The following TNK2 variants were observed in gnomAD, a reference collection of about 807,000 sequenced individuals.
TNK2 encodes the protein tyrosine kinase non receptor 2, also known as activated CDC42 kinase 1.
TNK2 carries 83 observed loss-of-function variants against 101.8 expected under a neutral mutation model. That is an observed-to-expected ratio of 0.82 (90% CI 0.68 to 0.98). The LOEUF (loss-of-function observed/expected upper bound fraction) is 0.98, where lower values mean the gene tolerates loss of function less well. Among genes scored for constraint, TNK2 ranks in the 50% least tolerant of loss-of-function variants. The probability of loss-of-function intolerance (pLI) is 0.00; values close to 1 mark genes in which losing one functional copy is unlikely to be tolerated. For synonymous variants in TNK2, 804 were observed against 633.0 expected, an observed-to-expected ratio of 1.27 and a Z score of -4.06; for missense variants, 1,665 against 1,483.2, an observed-to-expected ratio of 1.12 and a Z score of -2.01.
Position 195,867,965 on chromosome 3 carries a change from T to TCCC in TNK2, c.2332_2333insGGG (p.Gly777dup). 1 of 1,544,498 alleles carries TCCC rather than the reference T, an allele frequency of 6.5e-7. No individual in the cohort carries two copies. Among genetic ancestry groups the TCCC allele is most frequent in the East Asian group, 2.3e-5 (1 of 43,464 alleles). ...TCCAGGCCACTGGCTGGTCTCCTCCTCGCCCGGGGGGGCTGGAGACAGCTG... is the reference window on the plus strand; with the variant it reads ...TCCAGGCCACTGGCTGGTCTCCTCCTCCCCGCCCGGGGGGGCTGGAGACAGCTG... On this transcript the variant is annotated inframe_insertion, in exon 13 of 16. Transcript: ENST00000672887.
chr3:195,868,612 C>T lies in TNK2; in HGVS notation c.1686G>A (p.Trp562Ter). The change falls in exon 13 of 16, where the codon TGG becomes TGA. Residue 562 changes from tryptophan (W) to a stop codon, truncating the protein, a stop_gained. Coordinates refer to ENST00000672887, the MANE Select transcript of TNK2 (RefSeq NM_001382273.1). LOFTEE classifies it high-confidence loss of function. ...GCACCCGCGCCGAGGGCTTCGCCAG[C>T]CACAGCCCTCGGGGCAGGCCTGGCT... ...LRKPGLPRGLWLAKPSARVPG... is the reference protein window; with the variant it reads ...LRKPGLPRGL The T allele has an allele frequency of 6.3e-7, 1 of 1,588,406 alleles. No homozygotes were observed. The highest frequency in any genetic ancestry group is 8.5e-7 in the Non-Finnish European group (1 of 1,175,550).
In TNK2 at chr3:195,882,357, G is replaced by A. The variant is rs1753525058; in HGVS notation, c.610-29C>T. ...AGGCCACGGAGGAGGCAGGAGGAAT[G>A]AGCTGGAGGACCCTGCCCCTTCTCA... On this transcript the variant is annotated intron_variant, in intron 5 of 15. Coordinates refer to ENST00000672887, the MANE Select transcript of TNK2 (RefSeq NM_001382273.1). The surrounding 1 kb of genome is among the most constrained non-coding windows in gnomAD (Gnocchi z 4.2). 1.2e-6 allele frequency: 2 copies of A among 1,606,860 alleles called. No individual in the cohort carries two copies. The highest frequency in any genetic ancestry group is 1.7e-6 in the Non-Finnish European group (2 of 1,174,844).
chr3:195,870,244 C>CCACA, intron 10 of TNK2, 39 bp from the exon 11 acceptor site: 1 of 1,599,848 alleles, frequency 6.3e-7, no homozygotes, highest in East Asian at 2.3e-5. Context: ...GCAGGGGAAG[C>CCACA]GTGTGGAGGG....
chr3:195,867,012 T>A lies in TNK2; in HGVS notation c.3038A>T (p.Glu1013Val). Residue 1013 changes from glutamate to valine, a missense_variant, in exon 15 of 16, where the codon GAG becomes GTG. By Grantham distance (121) the Glu-to-Val change is moderately radical (BLOSUM62 -2). This residue lies in a region of TNK2 where 1,136 missense variants were observed against 894.9 expected (regional missense o/e 1.27). Coordinates refer to ENST00000672887, the MANE Select transcript of TNK2 (RefSeq NM_001382273.1). The stretch of plus-strand genomic sequence containing the variant: ...CCGCAGACCCAGCCCGAAGAGCTGC[T>A]CCACCTGGGGGTAAGGGTGGCGCCA... ...VQRAAQYLKV[E>V]QLFGLGLRPR... The A allele has an allele frequency of 1.2e-6, 2 of 1,613,084 alleles. No homozygotes were observed. The highest frequency in any genetic ancestry group is 2.2e-5 in the South Asian group (2 of 91,084).
intron 1 of TNK2, chr3:195,891,954 G>T (rs1287970816): frequency 4.1e-5 from 41 of 992,348 alleles, no homozygotes; most frequent in Non-Finnish European, 4.6e-5. Flanking sequence ...CCCAGCAACA[G>T]CGCAGCTCTG....
Position 195,879,149 on chromosome 3 carries a change from C to G in TNK2, c.914G>C (p.Arg305Pro). 3 of 1,613,700 alleles carry G rather than the reference C, an allele frequency of 1.9e-6. No individual in the cohort carries two copies. The highest frequency in any genetic ancestry group is 2.5e-6 in the Non-Finnish European group (3 of 1,179,986). ...GGTGTCGCTGGCATGGGAGAAGGTG[C>G]GTGTCTTCAGGCTCTCGGGGGCACA... ...AWCAPESLKT[R>P]TFSHASDTWM... The change falls in exon 7 of 16, where the codon CGC becomes CCC. Residue 305 changes from arginine (R) to proline (P), a missense_variant. Around this residue, in one of 3 missense-constraint regions of TNK2, gnomAD observed 490 missense variants for 522.5 expected, o/e 0.94. Coordinates refer to ENST00000672887, the MANE Select transcript of TNK2 (RefSeq NM_001382273.1).
At chr3:195,873,370 C>A (rs946538440) in intron 9 of TNK2, among the ~76,000 whole-genome samples, 1 of 152,222 alleles carries the variant, frequency 6.6e-6, no homozygotes, top group Non-Finnish European at 1.5e-5. Context: ...GAGGCTCCCG[C>A]GTCTGCTGCT....
In TNK2 at chr3:195,869,528, A is replaced by G; in HGVS notation, c.1557T>C (p.Pro519=). 1 of 1,551,008 alleles carries G rather than the reference A, an allele frequency of 6.4e-7. No homozygotes were observed. The highest frequency in any genetic ancestry group is 2.4e-5 in the East Asian group (1 of 40,910). The change falls in exon 12 of 16, where the codon CCT becomes CCC. Residue 519 remains proline, a synonymous_variant. Coordinates refer to ENST00000672887, the MANE Select transcript of TNK2 (RefSeq NM_001382273.1). ...HLGGVKREPP[P]RPPQPAFFTQ... ...TGAAGAAGGCAGGCTGAGGTGGGCG[A>G]GGTGGAGGCTCCCCTGCAAGAAAGG...
At chr3:195,891,899 C>T (rs983568183) in intron 1 of TNK2, 1 of 985,766 alleles carries the variant, frequency 1.0e-6, no homozygotes, top group African/African-American at 1.7e-5. Context: ...CCCTGAAACA[C>T]CAGCTAATGC....
At chr3:195,904,227 C>T (rs1761510265) in intron 1 of TNK2, among the ~76,000 whole-genome samples, 1 of 148,902 alleles carries the variant, frequency 6.7e-6, no homozygotes, top group African/African-American at 2.5e-5. Flanking sequence ...CACTGCTCTC[C>T]GGCCTGGGAG....
rs953497726 is a variant in TNK2 at position 195,902,089 on chromosome 3, G to A, written c.-19+6396C>T. Among the ~76,000 whole-genome samples, 9 of 152,154 alleles carry A rather than the reference G, an allele frequency of 5.9e-5. No homozygotes were observed. In the East Asian group the frequency reaches 1.3e-3, roughly 23 times the overall value. Reference sequence around the variant, plus strand: ...CTGAATGCCATAGGCCCCTAGGGAGGGGGAGAATGGTAGAGGAAAAACCAC... The same window carrying A: ...CTGAATGCCATAGGCCCCTAGGGAGAGGGAGAATGGTAGAGGAAAAACCAC... On this transcript the variant is annotated intron_variant, in intron 1 of 15. Coordinates refer to ENST00000672887, the MANE Select transcript of TNK2 (RefSeq NM_001382273.1).
intron 1 of TNK2, among the ~76,000 whole-genome samples, chr3:195,898,143 C>G (rs1040323214): frequency 5.3e-5 from 8 of 152,026 alleles, no homozygotes; most frequent in African/African-American, 1.9e-4. Context: ...CAACACTAGC[C>G]ACCCGAGGTA....
At position 195,888,059 on chromosome 3, in the gene TNK2, T is replaced by G. The variant is rs752710012; in HGVS notation, c.163+367A>C. 5.3e-5 allele frequency among the ~76,000 whole-genome samples: 8 copies of G among 151,988 alleles called. No homozygotes were observed. The highest frequency in any genetic ancestry group is 1.9e-4 in the African/African-American group (8 of 41,366). ...ACGAATCAGCAAACCATCTGAGAGTTAGCGTTCTCCCTACAGATCTCTGCA... is the reference window on the plus strand; with the variant it reads ...ACGAATCAGCAAACCATCTGAGAGTGAGCGTTCTCCCTACAGATCTCTGCA... On this transcript the variant is annotated intron_variant, in intron 2 of 15. Coordinates refer to ENST00000672887, the MANE Select transcript of TNK2 (RefSeq NM_001382273.1). This position sits in a 1 kb window ranked among gnomAD's most constrained non-coding sequence, Gnocchi z 5.3.
chr3:195,884,996 G>C lies in TNK2; in HGVS notation c.272C>G (p.Pro91Arg). 6.2e-7 allele frequency: 1 copy of C among 1,608,664 alleles called. No individual in the cohort carries two copies. The highest frequency in any genetic ancestry group is 8.5e-7 in the Non-Finnish European group (1 of 1,176,682). Residue 91 changes from proline to arginine, a missense_variant, in exon 4 of 16, where the codon CCT (proline) becomes CGT (arginine). By Grantham distance (103) the Pro-to-Arg change is moderately radical. This residue lies in a region of TNK2 where 490 missense variants were observed against 522.5 expected (regional missense o/e 0.94). Coordinates refer to ENST00000672887, the MANE Select transcript of TNK2 (RefSeq NM_001382273.1). ...SGKRLEAEFPPHHSQSTFRKT... is the reference protein window; with the variant it reads ...SGKRLEAEFPRHHSQSTFRKT... ...CCGGAAGGTGCTCTGAGAGTGATGA[G>C]GTGGGAACTCAGCCTCCAGTCGCTT...
At chr3:195,884,560 T>C in intron 4 of TNK2, 1 of 446,290 alleles carries the variant, frequency 2.2e-6, no homozygotes, top group Non-Finnish European at 4.0e-6. Context: ...GGAGGATTGC[T>C]TGAACCCGGA....
chr3:195,865,366 C>A (rs925711547), intron 15 of TNK2, among the ~76,000 whole-genome samples: 2 of 141,916 alleles, frequency 1.4e-5, no homozygotes, highest in South Asian at 2.2e-4. Context: ...TCAGTAAGAA[C>A]CACCCGAGAC....
intron 4 of TNK2, 78 bp from the exon 5 acceptor site, chr3:195,883,387 A>C: frequency 6.5e-7 from 1 of 1,537,850 alleles, no homozygotes. Flanking sequence ...CCACCCTCCA[A>C]CTCGGCTCAA....
chr3:195,879,228 C>T (rs965246557), intron 6 of TNK2, 53 bp from the exon 7 acceptor site: 93 of 1,604,124 alleles, frequency 5.8e-5, no homozygotes, highest in Admixed American at 8.4e-5. Flanking sequence ...TACCTGCGTC[C>T]GCCCCAGGGA....
At position 195,864,192 on chromosome 3, in the gene TNK2, A is replaced by G. The variant is rs777048733; in HGVS notation, c.3162-5T>C. 4.3e-6 allele frequency: 7 copies of G among 1,613,900 alleles called. 1 individual carries two copies. In the South Asian group the frequency reaches 7.7e-5, roughly 18 times the overall value. On this transcript the variant is annotated splice_polypyrimidine_tract_variant and splice_region_variant and intron_variant, in intron 15 of 15. Coordinates refer to ENST00000672887, the MANE Select transcript of TNK2 (RefSeq NM_001382273.1). Reference sequence around the variant, plus strand: ...TCTCCAGACGCATCTCAGCGCCTAGAGAATGGGAAACCACCAGCACAGTTA... The same window carrying G: ...TCTCCAGACGCATCTCAGCGCCTAGGGAATGGGAAACCACCAGCACAGTTA...
Sources: gnomAD v4.1 joint callset for allele counts (sites outside exome capture counted in the v4.1 genomes callset) on GRCh38, gnomAD v4.1.1 for gene constraint, gnomAD v4.1.1 regional missense constraint, Gnocchi (gnomAD v3.1) non-coding constraint, MANE v1.5 for transcripts, NCBI Gene and HGNC (gene_info 2026-07-23, HGNC 2026-07-21) for gene names.